SUCLG2: variants seen among roughly 807,000 people sequenced by gnomAD.
The protein encoded by SUCLG2 is succinate-CoA ligase GDP-forming subunit beta, also known as succinate--CoA ligase [GDP-forming] subunit beta, mitochondrial.
A neutral mutation model predicts 47.9 loss-of-function variants in SUCLG2; 42 were observed. That is an observed-to-expected ratio of 0.88 (90% CI 0.69 to 1.14). SUCLG2 has a LOEUF of 1.14. SUCLG2 is among the 50% of genes most tolerant of loss of function. The pLI is 0.00. For missense variants in SUCLG2, 571 were observed against 525.9 expected (o/e 1.09, Z -0.84); for synonymous variants, 195 against 197.3 (o/e 0.99, Z 0.10).
chr3:67,626,419 C>T (rs1239861187), intron 1 of SUCLG2, among the ~76,000 whole-genome samples: 2 of 151,946 alleles, frequency 1.3e-5, no homozygotes, highest in African/African-American at 4.8e-5. Flanking sequence ...GTAGGGTACA[C>T]GGGCCCAAGA....
In SUCLG2 at chr3:67,409,686, A is replaced by G. The variant is rs549229357; in HGVS notation, c.1063-8835T>C. On this transcript the variant is annotated intron_variant, in intron 9 of 10. Transcript: ENST00000307227. ...CCCTCCTTTAATAACTTTTACAAAG[A>G]AAATATCAGGCAGTAAAGAAATCCA... Among the ~76,000 whole-genome samples the G allele has an allele frequency of 7.2e-5, 11 of 152,316 alleles. No individual in the cohort carries two copies. In the Middle Eastern group the frequency reaches 0.01, roughly 141 times the overall value.
intron 2 of SUCLG2, among the ~76,000 whole-genome samples, chr3:67,571,175 C>A (rs575991606): frequency 6.6e-6 from 1 of 152,106 alleles, no homozygotes; most frequent in Non-Finnish European, 1.5e-5. Flanking sequence ...TTTTGCCCCC[C>A]ACAGAAGAGA....
chr3:67,432,109 G>T (rs1703499067), intron 9 of SUCLG2, among the ~76,000 whole-genome samples: 1 of 152,110 alleles, frequency 6.6e-6, no homozygotes, highest in Non-Finnish European at 1.5e-5. Context: ...CTGTTAGCAG[G>T]CACTAGATTT....
intron 1 of SUCLG2, among the ~76,000 whole-genome samples, chr3:67,619,538 A>C (rs1025461919): frequency 7.2e-5 from 11 of 152,188 alleles, no homozygotes; most frequent in African/African-American, 2.7e-4. Context: ...TCACTGCAGG[A>C]AGGTACAGAG....
intron 2 of SUCLG2, among the ~76,000 whole-genome samples, chr3:67,565,533 G>A (rs1439996027): frequency 1.3e-5 from 2 of 152,118 alleles, no homozygotes; most frequent in African/African-American, 4.8e-5. Context: ...TGTAACATTG[G>A]CATATAAACA....
chr3:67,574,023 G>A (rs988120749), intron 2 of SUCLG2, among the ~76,000 whole-genome samples: 3 of 152,132 alleles, frequency 2.0e-5, no homozygotes, highest in Non-Finnish European at 4.4e-5. Context: ...CTGTTTCCTT[G>A]CTGACAGTTC....
intron 10 of SUCLG2, among the ~76,000 whole-genome samples, chr3:67,383,298 T>A (rs1294761800): frequency 6.6e-6 from 1 of 152,204 alleles, no homozygotes; most frequent in Non-Finnish European, 1.5e-5. Flanking sequence ...CTATTTTTAT[T>A]CCATTTTGCA....
intron 10 of SUCLG2, among the ~76,000 whole-genome samples, chr3:67,366,204 G>A (rs1447828543): frequency 1.3e-5 from 2 of 152,176 alleles, no homozygotes; most frequent in African/African-American, 2.4e-5. Context: ...GCTCACGCCT[G>A]TAATCCCGGC....
At chr3:67,496,937 G>A (rs998931830) in intron 8 of SUCLG2, among the ~76,000 whole-genome samples, 2 of 152,158 alleles carry the variant, frequency 1.3e-5, no homozygotes, top group Non-Finnish European at 2.9e-5. Flanking sequence ...GGTTTACACA[G>A]AATCTTAAAA....
intron 1 of SUCLG2, among the ~76,000 whole-genome samples, chr3:67,643,955 G>A (rs954547235): frequency 6.6e-6 from 1 of 152,218 alleles, no homozygotes. Flanking sequence ...GGGATTACAG[G>A]CGTGAGCCAC....
intron 1 of SUCLG2, among the ~76,000 whole-genome samples, chr3:67,610,586 C>T (rs1358894370): frequency 6.7e-6 from 1 of 150,032 alleles, no homozygotes; most frequent in Non-Finnish European, 1.5e-5. Context: ...GCAAAGGAAA[C>T]ATTACTCACA....
intron 9 of SUCLG2, 84 bp from the exon 10 acceptor site, chr3:67,400,935 T>A: frequency 6.4e-7 from 1 of 1,574,596 alleles, no homozygotes; most frequent in Non-Finnish European, 8.6e-7. Context: ...TAGAGACAAT[T>A]AAAATAAGAC....
chr3:67,548,886 TA>T (rs1706936277), intron 2 of SUCLG2, among the ~76,000 whole-genome samples: 1 of 152,098 alleles, frequency 6.6e-6, no homozygotes, highest in African/African-American at 2.4e-5. Flanking sequence ...CAAAGGCGTA[TA>T]AAAAAGGAAT....
intron 1 of SUCLG2, among the ~76,000 whole-genome samples, chr3:67,654,208 C>CCAGCGCCTGCTT (rs1490423450): frequency 6.6e-6 from 1 of 152,274 alleles, no homozygotes; most frequent in Non-Finnish European, 1.5e-5. Context: ...AAACTTGCGT[C>CCAGCGCCTGCTT]CAGCGCCTGC....
intron 9 of SUCLG2, among the ~76,000 whole-genome samples, chr3:67,420,614 A>C (rs1703134727): frequency 1.3e-5 from 2 of 152,218 alleles, no homozygotes; most frequent in South Asian, 4.1e-4. Context: ...GAGCAAGGAG[A>C]ATCTCAAGGG....
intron 1 of SUCLG2, among the ~76,000 whole-genome samples, chr3:67,642,150 G>C (rs1232398294): frequency 6.6e-6 from 1 of 152,168 alleles, no homozygotes; most frequent in Non-Finnish European, 1.5e-5. Flanking sequence ...CTGAAGGTTA[G>C]ATTTCAACAT....
intron 9 of SUCLG2, among the ~76,000 whole-genome samples, chr3:67,443,177 T>C (rs190976293): frequency 1.3e-5 from 2 of 152,290 alleles, no homozygotes; most frequent in Admixed American, 1.3e-4. Context: ...TATGCATATA[T>C]TGTATCATGT....
At chr3:67,431,602 G>A (rs2106886800) in intron 9 of SUCLG2, among the ~76,000 whole-genome samples, 1 of 152,240 alleles carries the variant, frequency 6.6e-6, no homozygotes, top group Admixed American at 6.5e-5. Context: ...CATGGATGAA[G>A]CTGGAAACCA....
At chr3:67,385,695 G>A (rs1166016733) in intron 10 of SUCLG2, among the ~76,000 whole-genome samples, 1 of 152,218 alleles carries the variant, frequency 6.6e-6, no homozygotes, top group African/African-American at 2.4e-5. Context: ...CTTAGAGTAA[G>A]GAAGCTCACT....
Sources: gnomAD v4.1 joint callset for allele counts (sites outside exome capture counted in the v4.1 genomes callset) on GRCh38, gnomAD v4.1.1 for gene constraint, MANE v1.5 for transcripts, NCBI Gene and HGNC (gene_info 2026-07-23, HGNC 2026-07-21) for gene names.